The following SPOCK3 variants were observed in gnomAD, a reference collection of about 807,000 sequenced individuals.
SPOCK3 encodes the protein testican-3.
A neutral mutation model predicts 56.6 loss-of-function variants in SPOCK3; 30 were observed. The ratio of observed to expected loss-of-function variants is 0.53; its 90% CI spans 0.40 to 0.72. The LOEUF is 0.72. Among genes scored for constraint, SPOCK3 ranks in the 30% least tolerant of loss-of-function variants. The pLI is 0.00. For missense variants in SPOCK3, 527 were observed against 530.0 expected (o/e 0.99, Z 0.06); for synonymous variants, 196 against 183.3 (o/e 1.07, Z -0.56).
intron 2 of SPOCK3, among the ~76,000 whole-genome samples, chr4:167,170,359 G>A (rs1024147780): frequency 6.6e-6 from 1 of 151,490 alleles, no homozygotes; most frequent in Non-Finnish European, 1.5e-5. Flanking sequence ...AAATGCACCA[G>A]GTGCTGACAG....
chr4:167,025,338 A>G (rs779431391), intron 3 of SPOCK3, among the ~76,000 whole-genome samples: 8 of 151,972 alleles, frequency 5.3e-5, no homozygotes, highest in Non-Finnish European at 1.2e-4. Context: ...CCATCAATGA[A>G]AACAGCCACC....
chr4:166,955,661 A>G (rs1171922583), intron 4 of SPOCK3, among the ~76,000 whole-genome samples: 2 of 146,914 alleles, frequency 1.4e-5, no homozygotes, highest in Non-Finnish European at 3.0e-5. Flanking sequence ...AATATAAATT[A>G]TAATATATAG....
chr4:167,116,177 G>T (rs1031786620), intron 2 of SPOCK3, among the ~76,000 whole-genome samples: 1 of 151,670 alleles, frequency 6.6e-6, no homozygotes, highest in Admixed American at 6.6e-5. Context: ...TACCCAAGAG[G>T]TATCTGTATG....
intron 5 of SPOCK3, among the ~76,000 whole-genome samples, chr4:166,890,706 G>A (rs1204154439): frequency 1.8e-4 from 27 of 151,958 alleles, no homozygotes; most frequent in Admixed American, 1.8e-3. Flanking sequence ...AAAGTGTGAT[G>A]TGTTGCTAAG....
rs532438901 is a variant in SPOCK3 at position 166,805,150 on chromosome 4, C to G, written c.590-12861G>C. On this transcript the variant is annotated intron_variant, in intron 6 of 10. Transcript: ENST00000357545. ...GATACTTCACAAAAGGGAAATTGAA[C>G]TACACCTATTATATATTTTCATGAA... Among the ~76,000 whole-genome samples the G allele has an allele frequency of 6.6e-5, 10 of 151,878 alleles. No individual in the cohort carries two copies. In the South Asian group the frequency reaches 2.1e-3, roughly 32 times the overall value.
intron 4 of SPOCK3, among the ~76,000 whole-genome samples, chr4:166,962,734 A>G: frequency 6.6e-6 from 1 of 152,128 alleles, no homozygotes; most frequent in East Asian, 1.9e-4. Context: ...GGGACAGAGA[A>G]GCCTAGGTAG....
In SPOCK3 at chr4:167,085,374, T is replaced by C. The variant is rs17052935; in HGVS notation, c.190-22837A>G. 4.7e-4 allele frequency among the ~76,000 whole-genome samples: 72 copies of C among 152,206 alleles called. No individual in the cohort carries two copies. The South Asian group carries it at 0.014, about 29-fold the overall frequency. Reference sequence around the variant, plus strand: ...CTGGCAGGTGCCCAGAAAGGTCATATTGGTTGTTAAAAAATGAAAGTTAAA... The same window carrying C: ...CTGGCAGGTGCCCAGAAAGGTCATACTGGTTGTTAAAAAATGAAAGTTAAA... On this transcript the variant is annotated intron_variant, in intron 2 of 10. Coordinates refer to ENST00000357545, the MANE Select transcript of SPOCK3 (RefSeq NM_001040159.2).
chr4:167,084,330 GCATATTT>G (rs1757991467), intron 2 of SPOCK3, among the ~76,000 whole-genome samples: 2 of 151,904 alleles, frequency 1.3e-5, no homozygotes. Flanking sequence ...AGAAACTATT[GCATATTT>G]TTTCTTTTTT....
At chr4:166,751,137 TA>T (rs1736325384) in intron 8 of SPOCK3, among the ~76,000 whole-genome samples, 1 of 152,216 alleles carries the variant, frequency 6.6e-6, no homozygotes, top group Admixed American at 6.5e-5. Flanking sequence ...GTTATACTTT[TA>T]AAACTTTATT....
chr4:167,031,013 A>G (rs1191317187), intron 3 of SPOCK3, among the ~76,000 whole-genome samples: 1 of 152,102 alleles, frequency 6.6e-6, no homozygotes, highest in Non-Finnish European at 1.5e-5. Flanking sequence ...CATATATAGC[A>G]TCATATCTTT....
chr4:166,808,477 G>A (rs1743414394), intron 6 of SPOCK3, among the ~76,000 whole-genome samples: 1 of 151,860 alleles, frequency 6.6e-6, no homozygotes, highest in Non-Finnish European at 1.5e-5. Flanking sequence ...TCTCTGCCAT[G>A]TGAGGGCACA....
At chr4:166,858,445 C>G (rs958864009) in intron 6 of SPOCK3, among the ~76,000 whole-genome samples, 6 of 152,146 alleles carry the variant, frequency 3.9e-5, no homozygotes, top group African/African-American at 9.7e-5. Flanking sequence ...TTTTATGGTA[C>G]TTATTTGCCT....
intron 5 of SPOCK3, among the ~76,000 whole-genome samples, chr4:166,906,808 GA>G (rs962430264): frequency 6.6e-6 from 1 of 151,300 alleles, no homozygotes; most frequent in Admixed American, 6.6e-5. Flanking sequence ...TAGCAATATA[GA>G]AAAAAATGAA....
intron 6 of SPOCK3, among the ~76,000 whole-genome samples, chr4:166,806,791 A>G (rs2126709501): frequency 6.6e-6 from 1 of 152,138 alleles, no homozygotes; most frequent in Admixed American, 6.6e-5. Context: ...TTTTAGTAGT[A>G]TAGTAGTCCC....
chr4:167,140,224 T>G (rs1187757842), intron 2 of SPOCK3, among the ~76,000 whole-genome samples: 5 of 152,076 alleles, frequency 3.3e-5, no homozygotes, highest in Admixed American at 6.6e-5. Context: ...CAAAGCACAC[T>G]GGATAATAGT....
chr4:166,752,850 C>T (rs955502361), intron 8 of SPOCK3, among the ~76,000 whole-genome samples: 1 of 151,804 alleles, frequency 6.6e-6, no homozygotes, highest in Non-Finnish European at 1.5e-5. Flanking sequence ...AGAGTTTAGC[C>T]AAACCCTTCT....
At chr4:167,086,223 A>C (rs541043477) in intron 2 of SPOCK3, among the ~76,000 whole-genome samples, 6 of 152,124 alleles carry the variant, frequency 3.9e-5, no homozygotes, top group Non-Finnish European at 8.8e-5. Context: ...ACTTAACTAT[A>C]ATAGTTCATC....
chr4:166,876,847 CTT>C (rs2126965569), intron 6 of SPOCK3, among the ~76,000 whole-genome samples: 1 of 152,134 alleles, frequency 6.6e-6, no homozygotes, highest in East Asian at 1.9e-4. Flanking sequence ...GCTGGTGACA[CTT>C]TTCTGAACTT....
intron 6 of SPOCK3, among the ~76,000 whole-genome samples, chr4:166,845,679 A>G (rs1747985601): frequency 6.6e-6 from 1 of 152,234 alleles, no homozygotes; most frequent in Non-Finnish European, 1.5e-5. Flanking sequence ...CAATAGTTCA[A>G]CAACTTCAAA....
Sources: gnomAD v4.1 joint callset for allele counts (sites outside exome capture counted in the v4.1 genomes callset) on GRCh38, gnomAD v4.1.1 for gene constraint, MANE v1.5 for transcripts, NCBI Gene and HGNC (gene_info 2026-07-23, HGNC 2026-07-21) for gene names.